Variants in GLCE observed in about 807,000 individuals in gnomAD.
The protein encoded by GLCE is glucuronic acid epimerase, also known as D-glucuronyl C5-epimerase.
In GLCE, 19 loss-of-function variants were observed where a neutral mutation model predicts 47.9. The ratio of observed to expected loss-of-function variants is 0.40; its 90% confidence interval spans 0.28 to 0.58. The LOEUF (loss-of-function observed/expected upper bound fraction) is 0.58. Ranked by LOEUF, GLCE falls within the 20% of genes least tolerant of loss-of-function variation. The pLI, the probability that GLCE is intolerant of heterozygous loss-of-function variation, is 0.48. For missense variants in GLCE, 556 were observed against 743.3 expected, an observed-to-expected ratio of 0.75 and a Z score of 2.93; for synonymous variants, 245 against 263.4, an observed-to-expected ratio of 0.93 and a Z score of 0.68.
At chr15:69,266,822 C>A in intron 4 of GLCE, 2 of 397,798 alleles carry the variant, frequency 5.0e-6, no homozygotes, top group East Asian at 1.6e-4. Flanking sequence ...TGCTCTACAA[C>A]TAATTAGCTT....
chr15:69,186,266 A>G (rs1352664151), intron 1 of GLCE, among the ~76,000 whole-genome samples: 1 of 152,092 alleles, frequency 6.6e-6, no homozygotes, highest in African/African-American at 2.4e-5. Context: ...GGCTGGGTAG[A>G]TTAAAGTCCT....
rs146454235 is a variant in GLCE at position 69,179,201 on chromosome 15, C to T, written c.-105+18444C>T. Among the ~76,000 whole-genome samples, 1,165 of 152,188 alleles carry T rather than the reference C, an allele frequency of 7.7e-3. 10 individuals are homozygous for T. Among genetic ancestry groups the T allele is most frequent in the Non-Finnish European group, 0.013 (887 of 68,018 alleles). Reference sequence around the variant, plus strand: ...GACCAGGAGATTGGAAATCAGATCTCGGTATGACTGTGGTTGGGTTTGGTT... The same window carrying T: ...GACCAGGAGATTGGAAATCAGATCTTGGTATGACTGTGGTTGGGTTTGGTT... On this transcript the variant is annotated intron_variant, in intron 1 of 4. Transcript: ENST00000261858.
intron 1 of GLCE, among the ~76,000 whole-genome samples, chr15:69,207,322 G>T (rs1182865993): frequency 1.3e-5 from 2 of 151,964 alleles, no homozygotes. Context: ...TTTGACAAAT[G>T]CATAACGTCA....
chr15:69,214,366 C>T (rs1484698040), intron 2 of GLCE, among the ~76,000 whole-genome samples: 1 of 152,000 alleles, frequency 6.6e-6, no homozygotes, highest in Non-Finnish European at 1.5e-5. Context: ...TGTCCCCATG[C>T]ATTTCTTATA....
chr15:69,249,160 G>A (rs80058967), intron 2 of GLCE, among the ~76,000 whole-genome samples: 18,679 of 152,086 alleles, frequency 0.12, 1,219 homozygotes, highest in East Asian at 0.16. Flanking sequence ...AAGTGAGAGA[G>A]CCATCCAAAT....
At position 69,271,057 on chromosome 15, in the gene GLCE, G is replaced by A. The variant is rs2053160586; in HGVS notation, c.*1813G>A. On this transcript the variant is annotated 3_prime_UTR_variant, in exon 5 of 5. Coordinates refer to ENST00000261858, the MANE Select transcript of GLCE (RefSeq NM_015554.3). The stretch of plus-strand genomic sequence containing the variant: ...ATTATTTAGAATGGTTCATACGTCT[G>A]CTTTGTTTGCATACTGGTCTTCAGA... The A allele has an allele frequency of 6.6e-6, 1 of 152,584 alleles. No individual in the cohort carries two copies. Among genetic ancestry groups the A allele is most frequent in the Non-Finnish European group, 1.5e-5 (1 of 68,032 alleles). 9.5% of individuals were successfully genotyped at this position (152,584 alleles called of 1,614,324 possible).
intron 2 of GLCE, among the ~76,000 whole-genome samples, chr15:69,240,487 G>A (rs2052654738): frequency 6.6e-6 from 1 of 152,106 alleles, no homozygotes; most frequent in Admixed American, 6.5e-5. Context: ...AAATTGTGGA[G>A]TCTTTGGAGT....
intron 2 of GLCE, among the ~76,000 whole-genome samples, chr15:69,228,141 G>A (rs2052474960): frequency 6.6e-6 from 1 of 152,114 alleles, no homozygotes; most frequent in African/African-American, 2.4e-5. Context: ...TAATCTGTCT[G>A]ATAACATTTT....
intron 2 of GLCE, among the ~76,000 whole-genome samples, chr15:69,226,037 C>T (rs2052441364): frequency 6.7e-6 from 1 of 149,128 alleles, no homozygotes; most frequent in Non-Finnish European, 1.5e-5. Flanking sequence ...CACGTGTGCA[C>T]GCATGCACAG....
At chr15:69,241,281 G>A (rs1056834216) in intron 2 of GLCE, among the ~76,000 whole-genome samples, 47 of 152,156 alleles carry the variant, frequency 3.1e-4, no homozygotes, top group African/African-American at 1.0e-3. Flanking sequence ...ATTCAGCCAA[G>A]TTGTTTGATG....
At chr15:69,266,879 A>C (rs34330876) in intron 4 of GLCE, 2 of 157,490 alleles carry the variant, frequency 1.3e-5, no homozygotes, top group Non-Finnish European at 2.7e-5. Context: ...ACATATCTTC[A>C]CCTCTAAAAT....
chr15:69,182,531 AAAGG>A (rs1302607502), intron 1 of GLCE, among the ~76,000 whole-genome samples: 2 of 152,112 alleles, frequency 1.3e-5, no homozygotes, highest in Admixed American at 6.6e-5. Context: ...GCATGTATGC[AAAGG>A]AAGGAAGGAA....
In GLCE at chr15:69,271,230, C is replaced by G. The variant is rs1045349983; in HGVS notation, c.*1986C>G. On this transcript the variant is annotated 3_prime_UTR_variant, in exon 5 of 5. Transcript: ENST00000261858. ...TTCCTTGCTGTTGGTTTTACACTGC[C>G]TTCCACATTGCAACAGCAAGTTGAT... The G allele has an allele frequency of 1.3e-5, 2 of 152,644 alleles. No individual in the cohort carries two copies. The highest frequency in any genetic ancestry group is 4.8e-5 in the African/African-American group (2 of 41,446). The allele number at this position is 152,644 out of a possible 1,614,324, so 9.5% of individuals were successfully genotyped here. A position where few individuals can be genotyped will look rare whatever the true frequency, so the allele number is the denominator to read the frequency against.
rs2455776 is a variant in GLCE, at chr15:69,176,943, C to G, written c.-105+16186C>G. ...TGGTTCTTGAGACTTAGAGTAGAAT[C>G]AGGACACTCTCAAATTGAACTATGA... On this transcript the variant is annotated intron_variant, in intron 1 of 4. Coordinates refer to ENST00000261858, the MANE Select transcript of GLCE (RefSeq NM_015554.3). Among the ~76,000 whole-genome samples, 723 of 151,910 alleles carry G rather than the reference C, an allele frequency of 4.8e-3. 8 individuals carry two copies. Among genetic ancestry groups the G allele is most frequent in the African/African-American group, 0.017 (694 of 41,410 alleles).
At chr15:69,170,334 T>A (rs11635000) in intron 1 of GLCE, among the ~76,000 whole-genome samples, 112,399 of 152,004 alleles carry the variant, frequency 0.74, 41,794 homozygotes, top group Admixed American at 0.78. Flanking sequence ...ATATATTTTA[T>A]CTAGAATTAT....
intron 2 of GLCE, among the ~76,000 whole-genome samples, chr15:69,242,023 A>G (rs1238441904): frequency 2.0e-5 from 3 of 152,172 alleles, no homozygotes; most frequent in Non-Finnish European, 4.4e-5. Context: ...GTAAAATAGC[A>G]CTCATTTTCC....
In GLCE at chr15:69,261,078, A is replaced by G. The variant is rs755724127; in HGVS notation, c.587-9A>G. ...ATATGATTATTCATTTTGTTTCTCT[A>G]TTTTATAGGTGTGCCATTATCTACA... On this transcript the variant is annotated splice_polypyrimidine_tract_variant and intron_variant, in intron 3 of 4. Transcript: ENST00000261858. 13 of 1,608,902 alleles carry G rather than the reference A, an allele frequency of 8.1e-6. No homozygotes were observed. The highest frequency in any genetic ancestry group is 1.1e-5 in the Non-Finnish European group (13 of 1,176,202).
chr15:69,199,881 CA>C (rs1454545573), intron 1 of GLCE, among the ~76,000 whole-genome samples: 1 of 152,106 alleles, frequency 6.6e-6, no homozygotes, highest in Admixed American at 6.5e-5. Context: ...ACCTCTACTC[CA>C]AAAAGAATTA....
chr15:69,168,258 C>A (rs1309456787), intron 1 of GLCE, among the ~76,000 whole-genome samples: 1 of 151,996 alleles, frequency 6.6e-6, no homozygotes. Flanking sequence ...AAAAGTAAGA[C>A]CCTGTCTCAA....
Sources: gnomAD v4.1 joint callset for allele counts (sites outside exome capture counted in the v4.1 genomes callset) on GRCh38, gnomAD v4.1.1 for gene constraint, MANE v1.5 for transcripts, NCBI Gene and HGNC (gene_info 2026-07-23, HGNC 2026-07-21) for gene names.